Variants in BCL9L observed in about 807,000 individuals in gnomAD.
BCL9L encodes B-cell CLL/lymphoma 9-like protein.
In BCL9L, 19 loss-of-function variants were observed where a neutral mutation model predicts 99.4. That is an observed-to-expected ratio of 0.19 (90% confidence interval 0.13 to 0.28). The LOEUF (loss-of-function observed/expected upper bound fraction) is 0.28. Ranked by LOEUF, BCL9L falls within the 10% of genes least tolerant of loss-of-function variation. BCL9L has a pLI of 1.00. For missense variants in BCL9L, 2,023 were observed against 2,101.6 expected (o/e 0.96, Z 0.73); for synonymous variants, 900 against 854.8 (o/e 1.05, Z -0.92).
At position 118,901,889 on chromosome 11, in the gene BCL9L, C is replaced by G. The variant is rs763096409; in HGVS notation, c.1854G>C (p.Gln618His). 6 of 1,613,774 alleles carry G rather than the reference C, an allele frequency of 3.7e-6. No individual in the cohort carries two copies. The highest frequency in any genetic ancestry group is 5.1e-6 in the Non-Finnish European group (6 of 1,179,856). Residue 618 changes from glutamine to histidine, a missense_variant, in exon 8 of 10, where the codon CAG (glutamine) becomes CAC (histidine). This residue lies in a region of BCL9L where 1,116 missense variants were observed against 1,194.6 expected (regional missense o/e 0.93). Transcript: ENST00000683865. This position sits in a 1 kb window ranked among gnomAD's most constrained non-coding sequence, Gnocchi z 6.6. Reference sequence around the variant, plus strand: ...TCATGGGCACCTCCATGGGCATACTCTGCATGCCCCCAAACCCAGGTACCC... The same window carrying G: ...TCATGGGCACCTCCATGGGCATACTGTGCATGCCCCCAAACCCAGGTACCC... ...IQRVPGFGGM[Q>H]SMPMEVPMNA... is the part of the protein sequence containing the mutation.
intron 5 of BCL9L, among the ~76,000 whole-genome samples, chr11:118,907,131 G>C (rs1248409118): frequency 6.6e-6 from 1 of 152,176 alleles, no homozygotes; most frequent in Non-Finnish European, 1.5e-5. Flanking sequence ...TTGCACAGCA[G>C]AGCCAACTGC....
chr11:118,913,878 C>G (rs1015760511), intron 2 of BCL9L, among the ~76,000 whole-genome samples: 4 of 152,154 alleles, frequency 2.6e-5, no homozygotes, highest in East Asian at 1.9e-4. Flanking sequence ...TTAAATCCAC[C>G]GAAATCCTGA....
intron 1 of BCL9L, among the ~76,000 whole-genome samples, chr11:118,923,819 G>A (rs1175112262): frequency 5.9e-5 from 9 of 152,156 alleles, no homozygotes; most frequent in South Asian, 4.1e-4. Flanking sequence ...TGGGGGAGGC[G>A]GCACCTTCCT....
At position 118,903,044 on chromosome 11, in the gene BCL9L, G is replaced by A. The variant is rs536947942; in HGVS notation, c.780C>T (p.Ala260=). The A allele has an allele frequency of 4.3e-5, 69 of 1,590,450 alleles. No homozygotes were observed. Among genetic ancestry groups the A allele is most frequent in the Admixed American group, 3.3e-4 (19 of 57,560 alleles). ...TAAEAVLQGR[A]DSILAYHQQN... ...GCTGGTGGTAGGCGAGGATGGAGTC[G>A]GCCCGGCCCTGCAGCACTGCCTCTG... Residue 260 remains alanine, a synonymous_variant, in exon 7 of 10, where the codon GCC becomes GCT. Transcript: ENST00000683865. This position sits in a 1 kb window ranked among gnomAD's most constrained non-coding sequence, Gnocchi z 5.6.
chr11:118,899,896 G>C, intron 9 of BCL9L, 21 bp downstream of exon 9: 1 of 1,605,238 alleles, frequency 6.2e-7, no homozygotes, highest in Non-Finnish European at 8.5e-7. Flanking sequence ...GCCTCCCTGG[G>C]GCCCTGGCCT....
rs1261722263 is a variant in BCL9L at position 118,903,456 on chromosome 11, C to T, written c.533-4G>A. 6.2e-7 allele frequency: 1 copy of T among 1,613,050 alleles called. No homozygotes were observed. Among genetic ancestry groups the T allele is most frequent in the Non-Finnish European group, 8.5e-7 (1 of 1,179,534 alleles). On this transcript the variant is annotated splice_region_variant and splice_polypyrimidine_tract_variant and intron_variant, in intron 5 of 9. Transcript: ENST00000683865. This position sits in a 1 kb window ranked among gnomAD's most constrained non-coding sequence, Gnocchi z 5.6. ...GCTGGGTCTGCTACATTACAATCTGCAGGAGAGAGGACAGGGAAAGGGGCT... is the reference window on the plus strand; with the variant it reads ...GCTGGGTCTGCTACATTACAATCTGTAGGAGAGAGGACAGGGAAAGGGGCT...
In BCL9L at chr11:118,922,984, C is replaced by A. The variant is rs1289712785; in HGVS notation, c.-131+2254G>T. Among the ~76,000 whole-genome samples, 2 of 151,994 alleles carry A rather than the reference C, an allele frequency of 1.3e-5. No individual in the cohort carries two copies. Among genetic ancestry groups the A allele is most frequent in the East Asian group, 3.8e-4 (2 of 5,198 alleles). ...TGGGACAGAACTTCAGCGTGTGGTA[C>A]CAGAGGCAGTGTGGGGGTGCCCCCA... On this transcript the variant is annotated intron_variant, in intron 1 of 9. Coordinates refer to ENST00000683865, the MANE Select transcript of BCL9L (RefSeq NM_001378213.1). This position sits in a 1 kb window ranked among gnomAD's most constrained non-coding sequence, Gnocchi z 6.2.
chr11:118,903,884 T>C lies in BCL9L; in HGVS notation c.533-432A>G, dbSNP rs913310095. On this transcript the variant is annotated intron_variant, in intron 5 of 9. Transcript: ENST00000683865. This position sits in a 1 kb window ranked among gnomAD's most constrained non-coding sequence, Gnocchi z 5.6. ...TGCTGCCCCTCTCACTGGGTAAGTG[T>C]ATGTGCACACAGTCTAGTGACCCAG... Among the ~76,000 whole-genome samples the C allele has an allele frequency of 3.9e-5, 6 of 152,106 alleles. No homozygotes were observed. The highest frequency in any genetic ancestry group is 7.4e-5 in the Non-Finnish European group (5 of 68,026).
chr11:118,924,926 C>T (rs1163941481), intron 1 of BCL9L, among the ~76,000 whole-genome samples: 1 of 152,206 alleles, frequency 6.6e-6, no homozygotes, highest in African/African-American at 2.4e-5. Context: ...CTCCCAGAAG[C>T]CCCCAGGGCA....
chr11:118,924,360 TAGACAG>T (rs753270592), intron 1 of BCL9L, among the ~76,000 whole-genome samples: 8 of 150,058 alleles, frequency 5.3e-5, no homozygotes, highest in Non-Finnish European at 1.2e-4. Context: ...CCCCAAGCAG[TAGACAG>T]AAAGAGAAGG....
intron 5 of BCL9L, among the ~76,000 whole-genome samples, chr11:118,904,445 T>A (rs1035768306): frequency 4.0e-5 from 6 of 151,570 alleles, no homozygotes; most frequent in East Asian, 1.9e-4. Flanking sequence ...CTCAAAAAAA[T>A]AAATAAATAA....
chr11:118,907,233 GGTGAC>G (rs777699951), intron 5 of BCL9L, among the ~76,000 whole-genome samples: 25 of 152,206 alleles, frequency 1.6e-4, no homozygotes, highest in Non-Finnish European at 2.9e-4. Flanking sequence ...TAGAGGTGCA[GGTGAC>G]GTGACCAAGA....
intron 2 of BCL9L, among the ~76,000 whole-genome samples, chr11:118,916,223 C>A (rs1940958484): frequency 6.6e-6 from 1 of 152,200 alleles, no homozygotes; most frequent in African/African-American, 2.4e-5. Context: ...CCAGGGGCTC[C>A]AGCCCACCCC....
chr11:118,919,120 C>A (rs1941070509), intron 1 of BCL9L, among the ~76,000 whole-genome samples: 2 of 97,778 alleles, frequency 2.0e-5, no homozygotes, highest in Non-Finnish European at 4.4e-5. Context: ...CCCCCCCCGA[C>A]CCCCCAACCC....
chr11:118,908,329 G>A lies in BCL9L; in HGVS notation c.353C>T (p.Ser118Phe). 1.2e-6 allele frequency: 2 copies of A among 1,604,858 alleles called. No homozygotes were observed. Among genetic ancestry groups the A allele is most frequent in the Non-Finnish European group, 1.7e-6 (2 of 1,174,244 alleles). The change falls in exon 4 of 10, where the codon TCT becomes TTT. Residue 118 changes from serine to phenylalanine, a missense_variant. Transcript: ENST00000683865. The stretch of plus-strand genomic sequence containing the variant: ...CTCTCGCTGCTCTCCAGAGTCCACA[G>A]ACACACTCCGGTCCCTCTTCACCTT... ...KGKVKRDRSV[S>F]VDSGEQREAG...
rs367712528 is a variant in BCL9L at position 118,907,606 on chromosome 11, C to T, written c.413-4G>A. The stretch of plus-strand genomic sequence containing the variant: ...CGCTTACTCCGCGGCGCCACCTCTG[C>T]CCAGGCAGGACGGAGGAAAGAGTGA... On this transcript the variant is annotated splice_polypyrimidine_tract_variant and splice_region_variant and intron_variant, in intron 4 of 9. Transcript: ENST00000683865. The T allele has an allele frequency of 6.2e-7, 1 of 1,611,762 alleles. No individual in the cohort carries two copies. The highest frequency in any genetic ancestry group is 8.5e-7 in the Non-Finnish European group (1 of 1,180,014).
At position 118,898,662 on chromosome 11, in the gene BCL9L, T is replaced by C. The variant is rs781221758; in HGVS notation, c.4253A>G (p.Gln1418Arg). ...GCCTTGTGGAGGGGACATGACCCCC[T>C]GGTGCAGGCCATGGGGCACCATCCC... ...QQGMVPHGLHQGVMSPPQGLM... is the reference protein window; with the variant it reads ...QQGMVPHGLHRGVMSPPQGLM... Residue 1418 changes from glutamine to arginine, a missense_variant, in exon 10 of 10, where the codon CAG becomes CGG. Transcript: ENST00000683865. 5 of 1,611,632 alleles carry C rather than the reference T, an allele frequency of 3.1e-6. No homozygotes were observed. Among genetic ancestry groups the C allele is most frequent in the Middle Eastern group, 3.3e-4 (2 of 6,042 alleles).
rs61338063 is a variant in BCL9L, at chr11:118,925,623, T to TC, written c.-517dup. 151,656 of 151,712 alleles carry TC rather than the reference T, an allele frequency of 1. 75,800 individuals are homozygous for TC. The highest frequency in any genetic ancestry group is 1 in the Middle Eastern group (294 of 294). The allele number at this position is 151,712 out of a possible 1,614,324, so 9.4% of individuals were successfully genotyped here. ...TTGCTTCCTTCCTTCCTTCCTCGCC[T>TC]CTCCTTTCCTTTCCCCAAAGCCCGC... is the stretch of plus-strand genomic sequence containing the variant. On this transcript the variant is annotated 5_prime_UTR_variant, in exon 1 of 10. Coordinates refer to ENST00000683865, the MANE Select transcript of BCL9L (RefSeq NM_001378213.1). The surrounding 1 kb of genome is among the most constrained non-coding windows in gnomAD (Gnocchi z 6.4).
chr11:118,913,978 G>A (rs570123975), intron 2 of BCL9L, among the ~76,000 whole-genome samples: 5 of 152,214 alleles, frequency 3.3e-5, no homozygotes, highest in South Asian at 2.1e-4. Flanking sequence ...TAGCCCCACC[G>A]GCCCAAATAT....
Sources: gnomAD v4.1 joint callset for allele counts (sites outside exome capture counted in the v4.1 genomes callset) on GRCh38, gnomAD v4.1.1 for gene constraint, gnomAD v4.1.1 regional missense constraint, Gnocchi (gnomAD v3.1) non-coding constraint, MANE v1.5 for transcripts, NCBI Gene and HGNC (gene_info 2026-07-23, HGNC 2026-07-21) for gene names.